Variants in ROBO2 observed in about 807,000 individuals in gnomAD.
ROBO2 encodes roundabout guidance receptor 2.
A neutral mutation model predicts 160.8 loss-of-function variants in ROBO2; 53 were observed. The ratio of observed to expected loss-of-function variants is 0.33; its 90% CI spans 0.26 to 0.41. The LOEUF is 0.41. ROBO2 is among the 10% of genes least tolerant of loss of function. The pLI, the probability that ROBO2 is intolerant of heterozygous loss-of-function variation, is 1.00. For synonymous variants in ROBO2, 664 were observed against 611.7 expected, an observed-to-expected ratio of 1.09 and a Z score of -1.26; for missense variants, 1,577 against 1,722.4, an observed-to-expected ratio of 0.92 and a Z score of 1.49.
chr3:76,489,235 G>T (rs1048395847), intron 2 of ROBO2, among the ~76,000 whole-genome samples: 28 of 151,002 alleles, frequency 1.9e-4, no homozygotes, highest in African/African-American at 6.1e-4. Context: ...GTTTGTAATG[G>T]ATGTGTTTTA....
At chr3:77,222,047 T>G (rs2085888548) in intron 2 of ROBO2, among the ~76,000 whole-genome samples, 1 of 151,832 alleles carries the variant, frequency 6.6e-6, no homozygotes, top group African/African-American at 2.4e-5. Flanking sequence ...GAGATGGAGT[T>G]TCACCATGTT....
At position 77,520,287 on chromosome 3, in the gene ROBO2, A is replaced by G. The variant is rs532361176; in HGVS notation, c.807-2488A>G. ...AAGTACACATAGAATGAGAAAAGTG[A>G]CACATTCAGAGTCAGGGTTTTAATT... On this transcript the variant is annotated intron_variant, in intron 5 of 25. Coordinates refer to ENST00000461745, the Ensembl canonical transcript of ROBO2. Among the ~76,000 whole-genome samples, 14 of 151,466 alleles carry G rather than the reference A, an allele frequency of 9.2e-5. No individual in the cohort carries two copies. The South Asian group carries it at 2.9e-3, about 31-fold the overall frequency.
chr3:77,483,892 T>C (rs894229864), intron 4 of ROBO2, among the ~76,000 whole-genome samples: 4 of 151,536 alleles, frequency 2.6e-5, no homozygotes, highest in African/African-American at 9.7e-5. Flanking sequence ...AGCTGTCTAC[T>C]TTCCGAGACA....
intron 2 of ROBO2, among the ~76,000 whole-genome samples, chr3:76,463,066 C>T (rs1200409655): frequency 6.6e-6 from 1 of 152,148 alleles, no homozygotes; most frequent in Non-Finnish European, 1.5e-5. Flanking sequence ...GAAGTGGAGG[C>T]TGTGGCCAGG....
At chr3:77,301,113 C>A (rs575474293) in intron 2 of ROBO2, among the ~76,000 whole-genome samples, 1 of 152,114 alleles carries the variant, frequency 6.6e-6, no homozygotes, top group South Asian at 2.1e-4. Context: ...AGTTGATCCA[C>A]CCACCTTGGT....
chr3:76,302,499 T>C (rs1447329167), intron 2 of ROBO2, among the ~76,000 whole-genome samples: 1 of 152,042 alleles, frequency 6.6e-6, no homozygotes, highest in Non-Finnish European at 1.5e-5. Flanking sequence ...CGCTAGCTGA[T>C]TCAACTATAT....
intron 2 of ROBO2, among the ~76,000 whole-genome samples, chr3:76,953,344 T>G (rs1348010399): frequency 6.6e-6 from 1 of 152,308 alleles, no homozygotes; most frequent in East Asian, 1.9e-4. Context: ...TATAAAGAGC[T>G]TAGTCAAAGG....
intron 2 of ROBO2, among the ~76,000 whole-genome samples, chr3:75,965,290 T>A (rs1202875258): frequency 6.6e-6 from 1 of 151,860 alleles, no homozygotes; most frequent in Admixed American, 6.6e-5. Context: ...GATATGGATA[T>A]GAAGAGGCTA....
chr3:77,457,726 A>G (rs1368367713), intron 2 of ROBO2, among the ~76,000 whole-genome samples: 2 of 152,116 alleles, frequency 1.3e-5, no homozygotes, highest in African/African-American at 4.8e-5. Context: ...TGTCACAACT[A>G]TTTATCTAAG....
rs1291392866 is a variant in ROBO2 at position 76,570,642 on chromosome 3, C to T, written c.110-527372C>T. On this transcript the variant is annotated intron_variant, in intron 2 of 26. Coordinates refer to the ROBO2 transcript ENST00000487694. The stretch of plus-strand genomic sequence containing the variant: ...TCTATTTGCTAAGCTTTTTTTAGAG[C>T]TCCCTCTACTGTTCAAATATGAACA... Among the ~76,000 whole-genome samples the T allele has an allele frequency of 2.2e-4, 33 of 152,106 alleles. 1 individual carries two copies. The highest frequency in any genetic ancestry group is 2.2e-3 in the Admixed American group (33 of 15,264).
intron 8 of ROBO2, among the ~76,000 whole-genome samples, chr3:77,552,145 A>G (rs569109956): frequency 5.3e-5 from 8 of 152,170 alleles, no homozygotes; most frequent in South Asian, 4.1e-4. Flanking sequence ...AGAATAAAAG[A>G]TAATTATTAA....
At chr3:76,547,588 T>C (rs1285310298) in intron 2 of ROBO2, among the ~76,000 whole-genome samples, 1 of 152,134 alleles carries the variant, frequency 6.6e-6, no homozygotes, top group Non-Finnish European at 1.5e-5. Flanking sequence ...TTGAATATTA[T>C]TCAACACATT....
At chr3:76,058,824 A>T (rs1387851181) in intron 2 of ROBO2, among the ~76,000 whole-genome samples, 1 of 91,484 alleles carries the variant, frequency 1.1e-5, no homozygotes, top group African/African-American at 4.5e-5. Flanking sequence ...AACAGGCCCC[A>T]GTGTGTGATG....
intron 2 of ROBO2, among the ~76,000 whole-genome samples, chr3:76,890,532 T>C (rs1029872426): frequency 2.0e-5 from 3 of 152,180 alleles, no homozygotes; most frequent in Non-Finnish European, 2.9e-5. Context: ...CATTTCCAAA[T>C]AGGGCCTGAA....
At chr3:77,378,982 T>C (rs979668219) in intron 2 of ROBO2, among the ~76,000 whole-genome samples, 1 of 151,824 alleles carries the variant, frequency 6.6e-6, no homozygotes, top group African/African-American at 2.4e-5. Flanking sequence ...AGTTTCGCTC[T>C]TGTTGCCCAG....
chr3:76,215,553 G>C (rs1000853394), intron 2 of ROBO2, among the ~76,000 whole-genome samples: 2 of 152,032 alleles, frequency 1.3e-5, no homozygotes, highest in Non-Finnish European at 1.5e-5. Context: ...TGGAAGACAG[G>C]GTATCAGCAA....
At chr3:77,164,871 C>T (rs1192960619) in intron 2 of ROBO2, among the ~76,000 whole-genome samples, 4 of 63,044 alleles carry the variant, frequency 6.3e-5, no homozygotes, top group East Asian at 2.6e-4. Context: ...CCAGCCACCC[C>T]GTCCGGGAGG....
intron 2 of ROBO2, among the ~76,000 whole-genome samples, chr3:76,303,294 C>T (rs976631740): frequency 1.1e-4 from 17 of 151,848 alleles, no homozygotes; most frequent in Admixed American, 4.6e-4. Flanking sequence ...ACTAATTTTT[C>T]GTATGAATTC....
At chr3:77,200,190 T>C (rs1250623013) in intron 2 of ROBO2, among the ~76,000 whole-genome samples, 4 of 146,424 alleles carry the variant, frequency 2.7e-5, no homozygotes, top group African/African-American at 9.9e-5. Context: ...AACAATGTTT[T>C]TCCAACATTT....
Sources: allele counts gnomAD v4.1 joint callset (sites outside exome capture counted in the v4.1 genomes callset), GRCh38; gene constraint gnomAD v4.1.1; transcripts MANE v1.5; gene names NCBI Gene and HGNC (gene_info 2026-07-23, HGNC 2026-07-21).